Variants in SBDS observed in about 807,000 individuals in gnomAD.
SBDS encodes the protein SBDS ribosome maturation factor.
Under a neutral mutation model 26.4 loss-of-function variants are expected in SBDS, and 20 were observed. That is an observed-to-expected ratio of 0.76 (90% CI 0.53 to 1.10). SBDS has a LOEUF of 1.10. Among genes scored for constraint, SBDS ranks in the 50% least tolerant of loss-of-function variants. The pLI is 0.00. For synonymous variants in SBDS, 95 were observed against 105.1 expected, an observed-to-expected ratio of 0.90 and a Z score of 0.59; for missense variants, 241 against 302.0, an observed-to-expected ratio of 0.80 and a Z score of 1.50.
chr7:66,992,319 G>A (rs1184340209), intron 3 of SBDS, among the ~76,000 whole-genome samples: 1 of 152,154 alleles, frequency 6.6e-6, no homozygotes, highest in African/African-American at 2.4e-5. Context: ...GGGCCTGTGG[G>A]GGGAAAATGG....
intron 4 of SBDS, among the ~76,000 whole-genome samples, chr7:66,989,421 T>G (rs1792930713): frequency 6.6e-6 from 1 of 151,902 alleles, no homozygotes; most frequent in East Asian, 1.9e-4. Flanking sequence ...GGCACATGCC[T>G]GTAATCCCAG....
intron 1 of SBDS, 158 bp downstream of exon 1, chr7:66,995,132 G>C: frequency 9.7e-7 from 1 of 1,030,580 alleles, no homozygotes; most frequent in Non-Finnish European, 1.4e-6. Flanking sequence ...TAGGCGCCAA[G>C]CTCGGACAGC....
At chr7:66,991,953 A>G (rs1234167733) in intron 3 of SBDS, among the ~76,000 whole-genome samples, 11 of 152,304 alleles carry the variant, frequency 7.2e-5, no homozygotes, top group Admixed American at 3.9e-4. Context: ...ACTCTTAAAC[A>G]CTGATGGTGG....
intron 4 of SBDS, 71 bp downstream of exon 4, chr7:66,991,066 T>C (rs1792965773): frequency 7.4e-7 from 1 of 1,352,084 alleles, no homozygotes; most frequent in African/African-American, 1.5e-5. Flanking sequence ...ATCTAAATGT[T>C]TGCTACAAAT....
rs565472251 is a variant in SBDS, at chr7:66,994,868, G to A, written c.128+422C>T. 2.8e-3 allele frequency among the ~76,000 whole-genome samples: 419 copies of A among 152,292 alleles called. 4 individuals are homozygous for A. Among genetic ancestry groups the A allele is most frequent in the Non-Finnish European group, 4.3e-3 (291 of 68,026 alleles). On this transcript the variant is annotated intron_variant, in intron 1 of 4. Coordinates refer to ENST00000246868, the MANE Select transcript of SBDS (RefSeq NM_016038.4). ...GTGGGGTGCAGACAGCTGCTGCCAC[G>A]GAATGCCAGTCCCTAGATGGCAGCA...
chr7:66,994,034 A>AC (rs1242568372), intron 2 of SBDS, among the ~76,000 whole-genome samples, 178 bp downstream of exon 2: 1,713 of 150,980 alleles, frequency 0.011, 28 homozygotes, highest in African/African-American at 0.038. Context: ...AAAAAAAAAA[A>AC]AAAACCACAA....
In SBDS at chr7:66,995,370, G is replaced by C. The variant is rs1270767670; in HGVS notation, c.48C>G (p.Ala16=). ...PTNQIRLTNV[A]VVRMKRAGKR... is the part of the protein sequence containing the mutation. ...TCCCGGCACGCTTCATCCGTACCAC[G>C]GCCACATTGGTTAGGCGGATCTGGT... Residue 16 remains alanine (A), a synonymous_variant, in exon 1 of 5, where the codon GCC becomes GCG. Transcript: ENST00000246868. 4 of 1,614,008 alleles carry C rather than the reference G, an allele frequency of 2.5e-6. No individual in the cohort carries two copies. The highest frequency in any genetic ancestry group is 3.3e-5 in the Admixed American group (2 of 60,008).
In SBDS at chr7:66,995,024, C is replaced by T. The variant is rs7778881; in HGVS notation, c.128+266G>A. 0.97 allele frequency: 532,937 copies of T among 548,980 alleles called. 258,758 individuals carry two copies. Among genetic ancestry groups the T allele is most frequent in the East Asian group, 1 (31,990 of 31,996 alleles). The allele number at this position is 548,980 out of a possible 1,614,324, so 34.0% of individuals were successfully genotyped here. On this transcript the variant is annotated intron_variant, in intron 1 of 4. Transcript: ENST00000246868. ...TATTCTAGGAAAAGGACCACAATTA[C>T]GAGATTTCTTGGCTGCAGCTTTTAT... is the stretch of plus-strand genomic sequence containing the variant.
intron 1 of SBDS, 139 bp downstream of exon 1, chr7:66,995,151 A>C (rs1584438525): frequency 8.1e-7 from 1 of 1,229,772 alleles, no homozygotes; most frequent in Non-Finnish European, 1.2e-6. Context: ...GCGACGTCTC[A>C]TGCTCACAGC....
intron 4 of SBDS, among the ~76,000 whole-genome samples, chr7:66,989,814 C>T (rs192166817): frequency 1.0e-3 from 152 of 152,178 alleles, no homozygotes; most frequent in East Asian, 7.7e-4. Context: ...CCTAAAATTA[C>T]ATCCACAATT....
chr7:66,993,371 G>C lies in SBDS; in HGVS notation c.305C>G (p.Thr102Arg). Residue 102 changes from threonine (T) to arginine (R), a missense_variant, in exon 3 of 5, where the codon ACA becomes AGA. Transcript: ENST00000246868. Reference protein sequence around the residue: ...EVQVSDKERHTQLEQMFRDIA... With the variant: ...EVQVSDKERHRQLEQMFRDIA... ...GTCCCTAAACATCTGCTCCAGTTGT[G>C]TGTGTCTTTCTTTATCTGATACTTG... The C allele has an allele frequency of 6.2e-7, 1 of 1,614,072 alleles. No individual in the cohort carries two copies. The highest frequency in any genetic ancestry group is 8.5e-7 in the Non-Finnish European group (1 of 1,180,012).
chr7:66,993,386 T>C lies in SBDS; in HGVS notation c.290A>G (p.Asp97Gly). 1 of 1,614,168 alleles carries C rather than the reference T, an allele frequency of 6.2e-7. No homozygotes were observed. Among genetic ancestry groups the C allele is most frequent in the Non-Finnish European group, 8.5e-7 (1 of 1,180,018 alleles). The change falls in exon 3 of 5, where the codon GAT (aspartate) becomes GGT (glycine). Residue 97 changes from aspartate (D) to glycine (G), a missense_variant. Transcript: ENST00000246868. ...ILTKGEVQVS[D>G]KERHTQLEQM... The stretch of plus-strand genomic sequence containing the variant: ...CTCCAGTTGTGTGTGTCTTTCTTTA[T>C]CTGATACTTGAACTTCTCCTTTAGT...
intron 2 of SBDS, among the ~76,000 whole-genome samples, 169 bp downstream of exon 2, chr7:66,994,042 CA>C (rs1196661414): frequency 1.5e-5 from 2 of 132,200 alleles, no homozygotes; most frequent in East Asian, 4.8e-4. Context: ...AAAAAAACCA[CA>C]AAAAACAAAC....
Position 66,994,278 on chromosome 7 carries a change from C to G in SBDS, c.192G>C (p.Gln64His), listed in dbSNP as rs755622907. 2.3e-5 allele frequency: 37 copies of G among 1,613,986 alleles called. 1 individual carries two copies. The South Asian group carries it at 3.7e-4, about 16-fold the overall frequency. The change falls in exon 2 of 5, where the codon CAG (glutamine) becomes CAC (histidine). Residue 64 changes from glutamine (Q) to histidine (H), a missense_variant. By Grantham distance (24) the Gln-to-His change is conservative (BLOSUM62 0). Coordinates refer to ENST00000246868, the MANE Select transcript of SBDS (RefSeq NM_016038.4). ...TGATGAGATCTTCCTTTTTGGCAAC[C>G]TGACCTTTAGAAACATTTACAAACA... ...HSVFVNVSKGQVAKKEDLISA... is the reference protein window; with the variant it reads ...HSVFVNVSKGHVAKKEDLISA...
chr7:66,990,374 C>T (rs1462284170), intron 4 of SBDS, among the ~76,000 whole-genome samples: 1 of 152,158 alleles, frequency 6.6e-6, no homozygotes, highest in African/African-American at 2.4e-5. Flanking sequence ...AGGCTTTGGA[C>T]TTTAGAGATT....
rs985942265 is a variant in SBDS at position 66,988,051 on chromosome 7, T to C, written c.*320A>G. The C allele has an allele frequency of 9.5e-6, 4 of 420,242 alleles. No individual in the cohort carries two copies. The highest frequency in any genetic ancestry group is 6.0e-5 in the African/African-American group (3 of 50,398). The allele number at this position is 420,242 out of a possible 1,614,324, so 26.0% of individuals were successfully genotyped here. A position where few individuals can be genotyped will look rare whatever the true frequency, so the allele number is the denominator to read the frequency against. On this transcript the variant is annotated 3_prime_UTR_variant, in exon 5 of 5. Coordinates refer to ENST00000246868, the MANE Select transcript of SBDS (RefSeq NM_016038.4). The stretch of plus-strand genomic sequence containing the variant: ...TCTTACTCTACTGTACAAATAACTT[T>C]TCACCCACAAGAGCTGCCTCAAGTA...
intron 4 of SBDS, among the ~76,000 whole-genome samples, chr7:66,989,370 A>AC (rs1235397225): frequency 2.2e-4 from 34 of 151,378 alleles, no homozygotes; most frequent in African/African-American, 6.6e-4. Flanking sequence ...ACATGGAGAG[A>AC]CCCCGTCTCT....
chr7:66,991,255 C>T lies in SBDS; in HGVS notation c.506G>A (p.Arg169His), dbSNP rs1584435531. The T allele has an allele frequency of 1.2e-6, 2 of 1,613,394 alleles. No homozygotes were observed. The highest frequency in any genetic ancestry group is 1.3e-5 in the African/African-American group (1 of 74,890). The change falls in exon 4 of 5, where the codon CGT becomes CAT. Residue 169 changes from arginine (R) to histidine (H), a missense_variant. Physicochemically the swap from Arg to His is conservative, Grantham distance 29. Transcript: ENST00000246868. ...GATGAACCGAAGCCTCATGTGAGCA[C>T]GTTCTATCTTCATTTTCTCTTTTAA... ...KQLKEKMKIE[R>H]AHMRLRFILP... is the part of the protein sequence containing the mutation.
At chr7:66,989,737 C>G (rs1053016235) in intron 4 of SBDS, among the ~76,000 whole-genome samples, 26 of 151,974 alleles carry the variant, frequency 1.7e-4, no homozygotes, top group Non-Finnish European at 2.9e-5. Context: ...CTGGAAACAC[C>G]CTCACAGACA....
Sources: gnomAD v4.1 joint callset for allele counts (sites outside exome capture counted in the v4.1 genomes callset) on GRCh38, gnomAD v4.1.1 for gene constraint, MANE v1.5 for transcripts, NCBI Gene and HGNC (gene_info 2026-07-23, HGNC 2026-07-21) for gene names.